Variants in SUSD6 observed in about 807,000 individuals in gnomAD.
The protein encoded by SUSD6 is sushi domain containing 6.
A neutral mutation model predicts 28.4 loss-of-function variants in SUSD6; 16 were observed. That is an observed-to-expected ratio of 0.56 (90% CI 0.38 to 0.86). SUSD6 has a LOEUF of 0.86. Ranked by LOEUF, SUSD6 falls within the 40% of genes least tolerant of loss-of-function variation. SUSD6 has a pLI of 0.00. For synonymous variants in SUSD6, 147 were observed against 159.6 expected, an observed-to-expected ratio of 0.92 and a Z score of 0.59; for missense variants, 341 against 384.2, an observed-to-expected ratio of 0.89 and a Z score of 0.94.
Position 69,713,992 on chromosome 14 carries a change from G to A in SUSD6, c.*3013G>A, listed in dbSNP as rs1886509385. On this transcript the variant is annotated 3_prime_UTR_variant, in exon 6 of 6. Coordinates refer to ENST00000342745, the MANE Select transcript of SUSD6 (RefSeq NM_014734.4). Reference sequence around the variant, plus strand: ...TTCCATGCCTTAGTTTAGCAGGTAGGCTCTATCTTTTGCCATTTCTGTATT... The same window carrying A: ...TTCCATGCCTTAGTTTAGCAGGTAGACTCTATCTTTTGCCATTTCTGTATT... The A allele has an allele frequency of 2.0e-5, 3 of 152,074 alleles. No individual in the cohort carries two copies. Among genetic ancestry groups the A allele is most frequent in the African/African-American group, 7.2e-5 (3 of 41,406 alleles). The allele number at this position is 152,074 out of a possible 1,614,324, so 9.4% of individuals were successfully genotyped here.
In SUSD6 at chr14:69,703,461, C is replaced by T; in HGVS notation, c.188C>T (p.Pro63Leu). The T allele has an allele frequency of 6.2e-7, 1 of 1,614,124 alleles. No individual in the cohort carries two copies. The highest frequency in any genetic ancestry group is 8.5e-7 in the Non-Finnish European group (1 of 1,180,008). ...TGCCACCCCCGGCCCTGCAGAGACCCCCTGACAGCAGGCAGTGTCATCGAA... is the reference window on the plus strand; with the variant it reads ...TGCCACCCCCGGCCCTGCAGAGACCTCCTGACAGCAGGCAGTGTCATCGAA... ...YICHPRPCRD[P>L]LTAGSVIEYL... The change falls in exon 3 of 6, where the codon CCC becomes CTC. Residue 63 changes from proline (P) to leucine (L), a missense_variant. Physicochemically the swap from Pro to Leu is moderately conservative, Grantham distance 98. Transcript: ENST00000342745.
chr14:69,658,471 T>C (rs898469606), intron 1 of SUSD6, 42 bp from the exon 2 acceptor site: 18 of 1,034,354 alleles, frequency 1.7e-5, no homozygotes, highest in East Asian at 2.6e-5. Flanking sequence ...AACTAACTTA[T>C]GGCTGAAGTT....
At chr14:69,676,910 A>C (rs915200479) in intron 2 of SUSD6, among the ~76,000 whole-genome samples, 12 of 152,350 alleles carry the variant, frequency 7.9e-5, no homozygotes, top group Admixed American at 7.2e-4. Context: ...TTGGTCAGTC[A>C]GCTGCTCCCG....
intron 2 of SUSD6, among the ~76,000 whole-genome samples, chr14:69,679,228 T>G (rs549475317): frequency 2.0e-5 from 3 of 152,216 alleles, no homozygotes; most frequent in Non-Finnish European, 2.9e-5. Flanking sequence ...GGGTTGAAAT[T>G]ATTTTCATAT....
intron 2 of SUSD6, among the ~76,000 whole-genome samples, chr14:69,702,611 A>C (rs1183434515): frequency 1.3e-5 from 2 of 152,224 alleles, no homozygotes; most frequent in Non-Finnish European, 2.9e-5. Context: ...TGCTGGTGGA[A>C]AGAGCAGAGG....
chr14:69,620,029 C>T (rs752459265), intron 1 of SUSD6, among the ~76,000 whole-genome samples: 4 of 152,206 alleles, frequency 2.6e-5, no homozygotes, highest in Non-Finnish European at 5.9e-5. Flanking sequence ...CCCAGAAAGC[C>T]GGTGAACAGA....
Position 69,667,223 on chromosome 14 carries a change from C to A in SUSD6, c.121+8510C>A, listed in dbSNP as rs1195308929. On this transcript the variant is annotated intron_variant, in intron 2 of 5. Coordinates refer to ENST00000342745, the MANE Select transcript of SUSD6 (RefSeq NM_014734.4). ...GTCTAGGCACAGAGGGGTTTGGTGG[C>A]AGATAGGAGAAAAGTCTTGGATTTC... 2.0e-5 allele frequency among the ~76,000 whole-genome samples: 3 copies of A among 152,084 alleles called. No individual in the cohort carries two copies. The East Asian group carries it at 5.8e-4, about 29-fold the overall frequency.
At chr14:69,649,709 G>A (rs34779505) in intron 1 of SUSD6, among the ~76,000 whole-genome samples, 2,378 of 152,324 alleles carry the variant, frequency 0.016, 30 homozygotes, top group Non-Finnish European at 0.025. Flanking sequence ...GGCCTTCGGG[G>A]AGGGATATGA....
chr14:69,631,702 T>G (rs1189532454), intron 1 of SUSD6, among the ~76,000 whole-genome samples: 2 of 152,200 alleles, frequency 1.3e-5, no homozygotes, highest in Non-Finnish European at 2.9e-5. Context: ...ATTTACAGAA[T>G]GAAGTCCTGC....
intron 1 of SUSD6, 62 bp downstream of exon 1, chr14:69,611,890 C>T (rs1275347042): frequency 2.6e-5 from 4 of 151,660 alleles, no homozygotes; most frequent in South Asian, 2.1e-4. Context: ...CGCGCTCGGC[C>T]GGCTGTCAGG....
chr14:69,634,134 G>A (rs191960625), intron 1 of SUSD6, among the ~76,000 whole-genome samples: 125 of 152,328 alleles, frequency 8.2e-4, no homozygotes, highest in African/African-American at 2.7e-3. Context: ...GGTTCTTGGG[G>A]AATGATGGTG....
intron 2 of SUSD6, among the ~76,000 whole-genome samples, chr14:69,669,852 C>A (rs1200572562): frequency 6.6e-6 from 1 of 151,386 alleles, no homozygotes; most frequent in Non-Finnish European, 1.5e-5. Flanking sequence ...AGTCGTAGTT[C>A]TTTCTCTTGG....
intron 1 of SUSD6, among the ~76,000 whole-genome samples, chr14:69,654,797 G>A (rs914506273): frequency 7.5e-6 from 1 of 132,656 alleles, no homozygotes; most frequent in African/African-American, 2.9e-5. Context: ...TTTGGTGTGT[G>A]TGTGTGTGTG....
intron 2 of SUSD6, among the ~76,000 whole-genome samples, chr14:69,698,429 T>C (rs1457096424): frequency 6.6e-6 from 1 of 152,236 alleles, no homozygotes; most frequent in Non-Finnish European, 1.5e-5. Context: ...CACACTGATC[T>C]TTATATTCCC....
chr14:69,636,571 G>T (rs1279422808), intron 1 of SUSD6, among the ~76,000 whole-genome samples: 1 of 152,242 alleles, frequency 6.6e-6, no homozygotes, highest in Non-Finnish European at 1.5e-5. Flanking sequence ...GGAACCCATT[G>T]TTGCCAATAT....
chr14:69,659,573 A>G (rs1402991900), intron 2 of SUSD6, among the ~76,000 whole-genome samples: 1 of 152,186 alleles, frequency 6.6e-6, no homozygotes, highest in Non-Finnish European at 1.5e-5. Flanking sequence ...GCTGGAGTGC[A>G]GTGGCACGAT....
At chr14:69,631,467 A>G (rs1885193312) in intron 1 of SUSD6, among the ~76,000 whole-genome samples, 1 of 152,218 alleles carries the variant, frequency 6.6e-6, no homozygotes, top group South Asian at 2.1e-4. Context: ...AAGCTTGGAT[A>G]GGTTATTTAG....
intron 4 of SUSD6, among the ~76,000 whole-genome samples, chr14:69,707,584 C>T (rs555700147): frequency 6.6e-6 from 1 of 151,708 alleles, no homozygotes; most frequent in East Asian, 1.9e-4. Flanking sequence ...GGAGAAACTC[C>T]GTCTCTACAA....
chr14:69,627,448 T>G (rs779556535), intron 1 of SUSD6, among the ~76,000 whole-genome samples: 4 of 152,202 alleles, frequency 2.6e-5, no homozygotes, highest in Non-Finnish European at 4.4e-5. Flanking sequence ...TGCCTGGGCC[T>G]TATCAGAAAT....
Sources: allele counts gnomAD v4.1 joint callset (sites outside exome capture counted in the v4.1 genomes callset), GRCh38; gene constraint gnomAD v4.1.1; transcripts MANE v1.5; gene names NCBI Gene and HGNC (gene_info 2026-07-23, HGNC 2026-07-21).